Variants in DLG2 observed in about 807,000 individuals in gnomAD.
DLG2 encodes the protein disks large homolog 2.
A neutral mutation model predicts 132.5 loss-of-function variants in DLG2; 45 were observed. The observed-to-expected ratio is 0.34, with a 90% confidence interval of 0.27 to 0.44. DLG2 has a LOEUF of 0.44. Ranked by LOEUF, DLG2 falls within the 20% of genes least tolerant of loss-of-function variation. DLG2 has a pLI of 1.00. For missense variants in DLG2, 1,045 were observed against 1,196.9 expected (o/e 0.87, Z 1.87); for synonymous variants, 424 against 419.6 (o/e 1.01, Z -0.13).
chr11:84,996,693 G>A (rs1177659580), intron 6 of DLG2, among the ~76,000 whole-genome samples: 2 of 152,130 alleles, frequency 1.3e-5, no homozygotes, highest in East Asian at 3.9e-4. Context: ...ACATTAAATG[G>A]CACTAATTAC....
At chr11:84,244,270 G>A (rs926409876) in intron 8 of DLG2, among the ~76,000 whole-genome samples, 4 of 151,798 alleles carry the variant, frequency 2.6e-5, no homozygotes, top group African/African-American at 4.8e-5. Flanking sequence ...TGCAACCTCC[G>A]CCTCCCGGGT....
At chr11:85,265,909 T>G (rs538594391) in intron 4 of DLG2, among the ~76,000 whole-genome samples, 1 of 152,142 alleles carries the variant, frequency 6.6e-6, no homozygotes, top group South Asian at 2.1e-4. Context: ...CATTGCTCAA[T>G]AAAATTCTCC....
chr11:84,166,404 A>G (rs2095662839), intron 8 of DLG2, among the ~76,000 whole-genome samples: 1 of 145,964 alleles, frequency 6.9e-6, no homozygotes, highest in Non-Finnish European at 1.5e-5. Context: ...CAGGAGGCTG[A>G]GGCAGGGGAA....
At chr11:84,149,494 T>C (rs2095219063) in intron 9 of DLG2, among the ~76,000 whole-genome samples, 1 of 152,146 alleles carries the variant, frequency 6.6e-6, no homozygotes, top group Non-Finnish European at 1.5e-5. Flanking sequence ...TACTGCTTAT[T>C]TTTGTAGACT....
intron 3 of DLG2, among the ~76,000 whole-genome samples, chr11:85,316,254 T>G (rs2080666464): frequency 6.6e-6 from 1 of 152,042 alleles, no homozygotes; most frequent in African/African-American, 2.4e-5. Context: ...TCAATGTCGC[T>G]AGTGTAATTA....
At chr11:84,108,547 T>G (rs989291068) in intron 9 of DLG2, among the ~76,000 whole-genome samples, 3 of 151,886 alleles carry the variant, frequency 2.0e-5, no homozygotes, top group African/African-American at 7.3e-5. Context: ...TGCTAAGGCC[T>G]AAGGAAAAGA....
chr11:84,832,820 C>T (rs1242168331), intron 6 of DLG2, among the ~76,000 whole-genome samples: 1 of 151,484 alleles, frequency 6.6e-6, no homozygotes. Context: ...TTCCCCCCTC[C>T]GCCCCCAGTT....
chr11:85,604,000 A>C (rs1194963766), intron 2 of DLG2, among the ~76,000 whole-genome samples: 1 of 152,180 alleles, frequency 6.6e-6, no homozygotes, highest in African/African-American at 2.4e-5. Flanking sequence ...CAATATTCCC[A>C]CAATCACATC....
At chr11:84,021,411 T>C (rs1356839110) in intron 11 of DLG2, among the ~76,000 whole-genome samples, 1 of 152,212 alleles carries the variant, frequency 6.6e-6, no homozygotes, top group African/African-American at 2.4e-5. Flanking sequence ...AGTTCATGTT[T>C]CAACCTATTC....
intron 4 of DLG2, among the ~76,000 whole-genome samples, chr11:85,229,143 T>C (rs1033567085): frequency 1.6e-4 from 25 of 151,880 alleles, no homozygotes; most frequent in African/African-American, 6.0e-4. Context: ...TTTCTGCTTT[T>C]GTTTTCATAT....
At chr11:84,981,983 T>C (rs1468480220) in intron 6 of DLG2, among the ~76,000 whole-genome samples, 1 of 152,166 alleles carries the variant, frequency 6.6e-6, no homozygotes, top group Non-Finnish European at 1.5e-5. Context: ...CCTTTTCTTT[T>C]TGGCAATAAG....
chr11:83,978,295 T>A (rs1565887017), intron 12 of DLG2, among the ~76,000 whole-genome samples: 1 of 152,022 alleles, frequency 6.6e-6, no homozygotes, highest in African/African-American at 2.4e-5. Flanking sequence ...AAGAGCTGCC[T>A]GCAACCAAAC....
chr11:84,884,250 G>C (rs1383502779), intron 6 of DLG2, among the ~76,000 whole-genome samples: 1 of 151,966 alleles, frequency 6.6e-6, no homozygotes, highest in African/African-American at 2.4e-5. Flanking sequence ...TATCTCTGTT[G>C]AGCATTTTCT....
At chr11:84,736,208 G>T (rs893259554) in intron 6 of DLG2, among the ~76,000 whole-genome samples, 2 of 151,478 alleles carry the variant, frequency 1.3e-5, no homozygotes, top group African/African-American at 4.8e-5. Flanking sequence ...GTTTAATTTT[G>T]GACTCTCCAT....
At chr11:85,230,937 G>C (rs536074479) in intron 4 of DLG2, among the ~76,000 whole-genome samples, 1 of 152,024 alleles carries the variant, frequency 6.6e-6, no homozygotes, top group Admixed American at 6.6e-5. Flanking sequence ...CATCTTGAAA[G>C]TAAAGAACAA....
chr11:84,653,971 G>A (rs930204269), intron 6 of DLG2, among the ~76,000 whole-genome samples: 3 of 152,156 alleles, frequency 2.0e-5, no homozygotes, highest in African/African-American at 7.2e-5. Flanking sequence ...TGCAAATTCA[G>A]TGTTGGTTAT....
intron 3 of DLG2, among the ~76,000 whole-genome samples, chr11:85,376,409 C>G (rs894344976): frequency 2.0e-5 from 3 of 152,194 alleles, no homozygotes; most frequent in Non-Finnish European, 2.9e-5. Context: ...GCTAAGAGGA[C>G]TCTCCTACTC....
chr11:85,503,228 T>A (rs189821676), intron 3 of DLG2, among the ~76,000 whole-genome samples: 2 of 152,138 alleles, frequency 1.3e-5, no homozygotes, highest in African/African-American at 4.8e-5. Flanking sequence ...TCAAGCTTTT[T>A]AAGGTTAAGT....
chr11:84,977,329 T>C (rs559879826), intron 6 of DLG2, among the ~76,000 whole-genome samples: 2 of 152,312 alleles, frequency 1.3e-5, no homozygotes, highest in African/African-American at 4.8e-5. Context: ...CCTGAATTAC[T>C]ACAGGCAGTT....
Sources: gnomAD v4.1 joint callset for allele counts (sites outside exome capture counted in the v4.1 genomes callset) on GRCh38, gnomAD v4.1.1 for gene constraint, MANE v1.5 for transcripts, NCBI Gene and HGNC (gene_info 2026-07-23, HGNC 2026-07-21) for gene names.